KLRG1: variants seen among roughly 807,000 people sequenced by gnomAD.
KLRG1 encodes killer cell lectin-like receptor subfamily G member 1.
A neutral mutation model predicts 21.8 loss-of-function variants in KLRG1; 16 were observed. That is an observed-to-expected ratio of 0.73 (90% CI 0.50 to 1.11). The LOEUF (loss-of-function observed/expected upper bound fraction) is 1.11. KLRG1 is among the 50% of genes most tolerant of loss of function. KLRG1 has a pLI of 0.00. For missense variants in KLRG1, 173 were observed against 218.3 expected, an observed-to-expected ratio of 0.79 and a Z score of 1.31; for synonymous variants, 69 against 75.9, an observed-to-expected ratio of 0.91 and a Z score of 0.47.
At chr12:9,083,506 T>TA in the KLRG1 span, among the ~76,000 whole-genome samples, 1 of 151,412 alleles carries the variant, frequency 6.6e-6, no homozygotes, top group Admixed American at 6.6e-5. Context: ...ATACAATGAC[T>TA]AAAATTAAAA....
At chr12:9,059,342 C>G in the KLRG1 span, among the ~76,000 whole-genome samples, 1 of 152,150 alleles carries the variant, frequency 6.6e-6, no homozygotes, top group Admixed American at 6.5e-5. Flanking sequence ...TAGAATGTAT[C>G]AGCACCTAGC....
At chr12:9,095,476 C>G in the KLRG1 span, 1 of 1,502,398 alleles carries the variant, frequency 6.7e-7, no homozygotes, top group South Asian at 1.2e-5. Flanking sequence ...AATACAGACT[C>G]TTTTCCATGT....
the KLRG1 span, chr12:9,095,611 A>C: frequency 6.2e-7 from 1 of 1,611,782 alleles, no homozygotes; most frequent in Admixed American, 1.7e-5. Context: ...TAATATAGAC[A>C]TTATGACGAT....
the KLRG1 span, among the ~76,000 whole-genome samples, chr12:9,131,357 A>G: frequency 2.6e-5 from 4 of 152,340 alleles, no homozygotes; most frequent in South Asian, 8.3e-4. Flanking sequence ...TTAAATTAAA[A>G]TATATGTTGG....
At chr12:9,052,602 C>T in the KLRG1 span, among the ~76,000 whole-genome samples, 1 of 152,288 alleles carries the variant, frequency 6.6e-6, no homozygotes, top group South Asian at 2.1e-4. Context: ...CAGCCTCCCA[C>T]CATCATCTGA....
intron 3 of KLRG1, chr12:8,996,418 A>T (rs766703564): frequency 6.6e-6 from 1 of 152,148 alleles, no homozygotes; most frequent in African/African-American, 2.4e-5. Context: ...GTGTTTTGCT[A>T]TTGTTTTCTG....
the KLRG1 span, among the ~76,000 whole-genome samples, chr12:9,151,991 G>C: frequency 6.6e-6 from 1 of 152,090 alleles, no homozygotes; most frequent in East Asian, 1.9e-4. Flanking sequence ...TTAAATTCCT[G>C]ACTAAACTAT....
chr12:9,113,383 C>A, the KLRG1 span: 1 of 1,613,500 alleles, frequency 6.2e-7, no homozygotes, highest in Non-Finnish European at 8.5e-7. Context: ...CAGTGGAGTA[C>A]GTCATTCTCC....
At chr12:9,204,781 T>C in the KLRG1 span, among the ~76,000 whole-genome samples, 3 of 152,222 alleles carry the variant, frequency 2.0e-5, no homozygotes, top group Admixed American at 6.5e-5. Context: ...GTGGATAGGT[T>C]ATCTTTTCAA....
the KLRG1 span, among the ~76,000 whole-genome samples, chr12:9,083,005 C>T: frequency 6.6e-6 from 1 of 152,218 alleles, no homozygotes; most frequent in African/African-American, 2.4e-5. Context: ...TTGACTTCCA[C>T]AGTGGTTGAA....
At chr12:9,111,335 T>C in the KLRG1 span, among the ~76,000 whole-genome samples, 2 of 152,078 alleles carry the variant, frequency 1.3e-5, no homozygotes, top group Non-Finnish European at 2.9e-5. Flanking sequence ...TGGTGGTAAG[T>C]GCAAATAGAA....
the KLRG1 span, chr12:9,091,311 G>A: frequency 7.4e-6 from 12 of 1,614,002 alleles, no homozygotes; most frequent in South Asian, 6.6e-5. Flanking sequence ...TGGAAGGCTC[G>A]GAGAGAGGCA....
At chr12:9,108,302 T>A in the KLRG1 span, among the ~76,000 whole-genome samples, 3 of 151,852 alleles carry the variant, frequency 2.0e-5, no homozygotes, top group Admixed American at 6.6e-5. Flanking sequence ...ATTTTTTGTA[T>A]TTTTTAGTAG....
chr12:9,094,853 T>C, the KLRG1 span: 23 of 481,020 alleles, frequency 4.8e-5, no homozygotes, highest in East Asian at 4.7e-4. Context: ...AGCAATAACC[T>C]TAATATGTAT....
At chr12:9,162,695 G>T in the KLRG1 span, 1 of 1,426,894 alleles carries the variant, frequency 7.0e-7, no homozygotes, top group Non-Finnish European at 9.8e-7. Context: ...ACATCCTGGT[G>T]ACAAGAGAAC....
chr12:9,017,790 A>C, the KLRG1 span, among the ~76,000 whole-genome samples: 1 of 152,204 alleles, frequency 6.6e-6, no homozygotes, highest in Non-Finnish European at 1.5e-5. Context: ...GAAAGGAATG[A>C]AGGGCATTCA....
At chr12:9,202,088 C>T in the KLRG1 span, among the ~76,000 whole-genome samples, 1 of 152,106 alleles carries the variant, frequency 6.6e-6, no homozygotes, top group South Asian at 2.1e-4. Flanking sequence ...TTCAGAGTAA[C>T]AAATGCAGCT....
chr12:9,025,645 C>A, the KLRG1 span, among the ~76,000 whole-genome samples: 1 of 152,000 alleles, frequency 6.6e-6, no homozygotes, highest in East Asian at 1.9e-4. Context: ...TCAAAAAAAA[C>A]CCAAAAAATA....
chr12:9,043,118 C>T, the KLRG1 span, among the ~76,000 whole-genome samples: 2 of 150,590 alleles, frequency 1.3e-5, no homozygotes, highest in Non-Finnish European at 1.5e-5. Context: ...CTCTGTTGCC[C>T]AGGCTGGAGT....
Sources: gnomAD v4.1 joint callset for allele counts (sites outside exome capture counted in the v4.1 genomes callset) on GRCh38, gnomAD v4.1.1 for gene constraint, MANE v1.5 for transcripts, NCBI Gene and HGNC (gene_info 2026-07-23, HGNC 2026-07-21) for gene names.